NEK1: variants seen among roughly 807,000 people sequenced by gnomAD.
NEK1 encodes the protein serine/threonine-protein kinase Nek1.
NEK1 carries 137 observed loss-of-function variants against 182.1 expected under a neutral mutation model. That is an observed-to-expected ratio of 0.75 (90% CI 0.65 to 0.87). The LOEUF is 0.87. Among genes scored for constraint, NEK1 ranks in the 40% least tolerant of loss-of-function variants. The pLI is 0.00. For synonymous variants in NEK1, 513 were observed against 492.2 expected (o/e 1.04, Z -0.56); for missense variants, 1,391 against 1,494.4 (o/e 0.93, Z 1.14).
chr4:169,502,783 G>A (rs1199986352), intron 23 of NEK1, among the ~76,000 whole-genome samples: 3 of 152,082 alleles, frequency 2.0e-5, no homozygotes, highest in Admixed American at 6.6e-5. Flanking sequence ...CATGCTGAAT[G>A]AGCAAAAAGT....
intron 23 of NEK1, among the ~76,000 whole-genome samples, chr4:169,491,954 C>A (rs1300659863): frequency 6.6e-6 from 1 of 152,132 alleles, no homozygotes; most frequent in Non-Finnish European, 1.5e-5. Context: ...CTATAAGATG[C>A]TTTGTGTAAG....
chr4:169,438,025 G>A, intron 28 of NEK1, 58 bp downstream of exon 28: 1 of 1,304,180 alleles, frequency 7.7e-7, no homozygotes, highest in Non-Finnish European at 1.1e-6. Context: ...TATAAAGCTT[G>A]TGAAATTTAA....
chr4:169,502,882 G>A (rs2149674914), intron 23 of NEK1, among the ~76,000 whole-genome samples: 1 of 152,222 alleles, frequency 6.6e-6, no homozygotes, highest in East Asian at 1.9e-4. Context: ...CCCAGCCAGA[G>A]CAATCAGGCT....
intron 26 of NEK1, 145 bp downstream of exon 26, chr4:169,476,979 C>T (rs1229849276): frequency 5.4e-6 from 3 of 554,300 alleles, no homozygotes; most frequent in Non-Finnish European, 9.1e-6. Flanking sequence ...GAGGGAGGCA[C>T]TTCTATTCGC....
At chr4:169,483,945 A>T (rs553695734) in intron 23 of NEK1, among the ~76,000 whole-genome samples, 26 of 152,200 alleles carry the variant, frequency 1.7e-4, no homozygotes, top group African/African-American at 6.3e-4. Flanking sequence ...TCACCTTGAA[A>T]GATTATATCT....
intron 5 of NEK1, among the ~76,000 whole-genome samples, chr4:169,597,708 G>A (rs1227516487): frequency 6.6e-6 from 1 of 152,072 alleles, no homozygotes; most frequent in East Asian, 1.9e-4. Context: ...ACTGAGGCGG[G>A]CAGATCATGA....
rs186339775 is a variant in NEK1, at chr4:169,568,666, G to A, written c.1021-6470C>T. 1.6e-3 allele frequency among the ~76,000 whole-genome samples: 245 copies of A among 152,240 alleles called. 2 individuals carry two copies. The highest frequency in any genetic ancestry group is 5.8e-3 in the African/African-American group (239 of 41,546). ...ATATAAATAGGAAGGCCCGCTGGACGTGGTGGCTCACGCTTGTAATCCTAG... is the reference window on the plus strand; with the variant it reads ...ATATAAATAGGAAGGCCCGCTGGACATGGTGGCTCACGCTTGTAATCCTAG... On this transcript the variant is annotated intron_variant, in intron 12 of 35. Coordinates refer to ENST00000507142, the MANE Select transcript of NEK1 (RefSeq NM_001199397.3).
intron 23 of NEK1, among the ~76,000 whole-genome samples, chr4:169,486,034 A>G (rs1205961001): frequency 6.6e-6 from 1 of 152,172 alleles, no homozygotes; most frequent in Non-Finnish European, 1.5e-5. Flanking sequence ...TGACAGAGCA[A>G]GACCCTGTTT....
At chr4:169,441,079 A>G (rs1268595333) in intron 27 of NEK1, among the ~76,000 whole-genome samples, 2 of 152,122 alleles carry the variant, frequency 1.3e-5, no homozygotes, top group African/African-American at 4.8e-5. Flanking sequence ...CTAGTCCTCT[A>G]GCCCACATAC....
chr4:169,487,537 C>T (rs1225809918), intron 23 of NEK1, among the ~76,000 whole-genome samples: 2 of 152,146 alleles, frequency 1.3e-5, no homozygotes, highest in African/African-American at 4.8e-5. Flanking sequence ...TGTATATGTA[C>T]CGTGTTTTCT....
chr4:169,479,586 G>A, intron 23 of NEK1, 52 bp from the exon 24 acceptor site: 17 of 1,412,624 alleles, frequency 1.2e-5, no homozygotes, highest in Non-Finnish European at 1.7e-5. Flanking sequence ...TTTGTATGAA[G>A]AAATAAAATG....
At chr4:169,530,793 T>C (rs984639745) in intron 19 of NEK1, among the ~76,000 whole-genome samples, 2 of 151,452 alleles carry the variant, frequency 1.3e-5, no homozygotes, top group Non-Finnish European at 2.9e-5. Flanking sequence ...TTGATTGTGG[T>C]GCTGGCTGCA....
intron 31 of NEK1, among the ~76,000 whole-genome samples, chr4:169,423,473 A>T (rs1051338788): frequency 2.0e-5 from 3 of 151,550 alleles, no homozygotes; most frequent in Non-Finnish European, 4.4e-5. Context: ...AGGCTAAAAT[A>T]AAAAAAAATG....
chr4:169,556,151 G>A, intron 16 of NEK1, 56 bp from the exon 17 acceptor site: 2 of 1,450,744 alleles, frequency 1.4e-6, no homozygotes, highest in Non-Finnish European at 1.9e-6. Flanking sequence ...TAACAGGCCT[G>A]TACTAGTCTC....
intron 19 of NEK1, among the ~76,000 whole-genome samples, chr4:169,535,431 G>C (rs1302818724): frequency 6.6e-6 from 1 of 150,430 alleles, no homozygotes; most frequent in Non-Finnish European, 1.5e-5. Context: ...CACAGCAATA[G>C]AACAACCCAA....
chr4:169,535,744 G>A (rs968136721), intron 19 of NEK1, among the ~76,000 whole-genome samples: 2 of 151,650 alleles, frequency 1.3e-5, no homozygotes, highest in Non-Finnish European at 2.9e-5. Context: ...GCCCAGCGTG[G>A]TGACAGACGC....
intron 23 of NEK1, among the ~76,000 whole-genome samples, chr4:169,486,089 CCA>C (rs576357174): frequency 4.7e-4 from 72 of 152,104 alleles, no homozygotes; most frequent in African/African-American, 1.7e-3. Context: ...CAAAGTTTAA[CCA>C]CAGTTTTAAA....
intron 30 of NEK1, 50 bp from the exon 31 acceptor site, chr4:169,424,850 T>A (rs375871823): frequency 6.7e-7 from 1 of 1,492,330 alleles, no homozygotes; most frequent in Non-Finnish European, 9.0e-7. Flanking sequence ...GTACTTAAAG[T>A]TCTAAATGAT....
At chr4:169,411,079 T>C (rs1054824714) in intron 31 of NEK1, among the ~76,000 whole-genome samples, 3 of 152,202 alleles carry the variant, frequency 2.0e-5, no homozygotes, top group Admixed American at 6.5e-5. Flanking sequence ...AGGGACAAGA[T>C]AGGTCTCACT....
Sources: gnomAD v4.1 joint callset for allele counts (sites outside exome capture counted in the v4.1 genomes callset) on GRCh38, gnomAD v4.1.1 for gene constraint, MANE v1.5 for transcripts, NCBI Gene and HGNC (gene_info 2026-07-23, HGNC 2026-07-21) for gene names.